The following DUSP22 variants were observed in gnomAD, a reference collection of about 807,000 sequenced individuals.
DUSP22 encodes dual specificity protein phosphatase 22.
A neutral mutation model predicts 24.5 loss-of-function variants in DUSP22; 24 were observed. The ratio of observed to expected loss-of-function variants is 0.98; its 90% CI spans 0.71 to 1.38. The LOEUF (loss-of-function observed/expected upper bound fraction) is 1.38, where lower values mean the gene tolerates loss of function less well. Among genes scored for constraint, DUSP22 ranks in the 40% most tolerant of loss-of-function variants. The pLI is 0.00. For synonymous variants in DUSP22, 160 were observed against 106.4 expected, an observed-to-expected ratio of 1.50 and a Z score of -3.10; for missense variants, 330 against 269.2, an observed-to-expected ratio of 1.23 and a Z score of -1.58.
intron 3 of DUSP22, among the ~76,000 whole-genome samples, chr6:312,742 G>A (rs148793026): frequency 1.1e-4 from 17 of 152,410 alleles, no homozygotes; most frequent in African/African-American, 3.8e-4. Context: ...ATTTATATTA[G>A]GCAAGAGTAG....
chr6:329,409 T>A (rs1759037552), intron 3 of DUSP22, among the ~76,000 whole-genome samples: 2 of 152,306 alleles, frequency 1.3e-5, no homozygotes, highest in Admixed American at 1.3e-4. Context: ...ACAGTGTGAA[T>A]GTACTTAAGG....
chr6:310,063 C>T (rs575886276), intron 2 of DUSP22, among the ~76,000 whole-genome samples: 4 of 152,420 alleles, frequency 2.6e-5, no homozygotes, highest in East Asian at 1.9e-4. Context: ...TGGGTTCAAG[C>T]GATTCTCCTA....
chr6:335,698 T>C (rs1043669921), intron 4 of DUSP22, among the ~76,000 whole-genome samples: 3 of 152,228 alleles, frequency 2.0e-5, no homozygotes, highest in African/African-American at 7.2e-5. Flanking sequence ...TTTATGTCCT[T>C]CTTTCATACG....
intron 3 of DUSP22, among the ~76,000 whole-genome samples, chr6:321,793 A>G (rs922472360): frequency 6.6e-6 from 1 of 152,308 alleles, no homozygotes; most frequent in East Asian, 1.9e-4. Context: ...GACGTCTTCA[A>G]AATACAGAAA....
intron 1 of DUSP22, among the ~76,000 whole-genome samples, chr6:302,154 G>A (rs980350371): frequency 1.3e-5 from 2 of 152,308 alleles, no homozygotes; most frequent in African/African-American, 2.4e-5. Flanking sequence ...ACGGAGGTGA[G>A]CATGGTGACG....
chr6:348,137 A>T lies in DUSP22; in HGVS notation c.298A>T (p.Ile100Phe). ...AGVSRSVTLV[I>F]AYIMTVTDFG... ...GGTCTCCAGGAGCGTGACACTGGTG[A>T]TCGCATACATCATGACCGTCACTGA... Residue 100 changes from isoleucine to phenylalanine, a missense_variant, in exon 6 of 7, where the codon ATC becomes TTC. Ile to Phe is a conservative substitution (Grantham distance 21). Coordinates refer to ENST00000419235, the MANE Select transcript of DUSP22 (RefSeq NM_001286555.3). The T allele has an allele frequency of 6.2e-7, 1 of 1,614,300 alleles. No homozygotes were observed. The highest frequency in any genetic ancestry group is 8.5e-7 in the Non-Finnish European group (1 of 1,180,056).
At chr6:292,678 C>T in intron 1 of DUSP22, 118 bp downstream of exon 1, 1 of 1,384,202 alleles carries the variant, frequency 7.2e-7, no homozygotes, top group South Asian at 1.5e-5. Context: ...TGGGGACGGG[C>T]GCGGAGGGAG....
chr6:328,005 T>C (rs1196942899), intron 3 of DUSP22, among the ~76,000 whole-genome samples: 1 of 152,312 alleles, frequency 6.6e-6, no homozygotes, highest in Admixed American at 6.5e-5. Flanking sequence ...CCACTGAATA[T>C]TTTTCAGCAG....
At chr6:343,710 C>T (rs200605275) in intron 4 of DUSP22, among the ~76,000 whole-genome samples, 2 of 1,376 alleles carry the variant, frequency 1.5e-3, no homozygotes, top group South Asian at 0.036. Flanking sequence ...CATGTGGATG[C>T]ATGCACATGG....
intron 1 of DUSP22, among the ~76,000 whole-genome samples, chr6:299,350 T>G (rs1400466078): frequency 6.6e-6 from 1 of 152,304 alleles, no homozygotes; most frequent in East Asian, 1.9e-4. Context: ...TTTCATGTTC[T>G]CTTTCTCTGT....
intron 3 of DUSP22, among the ~76,000 whole-genome samples, chr6:314,435 A>G (rs1359385048): frequency 6.6e-6 from 1 of 152,308 alleles, no homozygotes; most frequent in Non-Finnish European, 1.5e-5. Flanking sequence ...TGGGCACTAC[A>G]CTGTGGATAC....
chr6:316,625 G>A (rs1233229404), intron 3 of DUSP22, among the ~76,000 whole-genome samples: 1 of 152,408 alleles, frequency 6.6e-6, no homozygotes. Flanking sequence ...GCAATGAAAG[G>A]TTTCTCCCTT....
chr6:308,535 C>T (rs1325069952), intron 2 of DUSP22, among the ~76,000 whole-genome samples: 1 of 152,298 alleles, frequency 6.6e-6, no homozygotes, highest in African/African-American at 2.4e-5. Flanking sequence ...GGTGCTGGCC[C>T]CGGAGTGCTT....
At chr6:315,422 G>T (rs1758298370) in intron 3 of DUSP22, among the ~76,000 whole-genome samples, 1 of 152,308 alleles carries the variant, frequency 6.6e-6, no homozygotes, top group Non-Finnish European at 1.5e-5. Context: ...TCCCATGGCT[G>T]TCTGGGTAGC....
At chr6:347,990 G>A (rs1380271915) in intron 5 of DUSP22, 113 bp from the exon 6 acceptor site, 5 of 1,488,624 alleles carry the variant, frequency 3.4e-6, no homozygotes, top group Admixed American at 1.8e-5. Flanking sequence ...TATAATCCAA[G>A]GCAGGAAGAC....
chr6:313,024 AAAT>A (rs1758179369), intron 3 of DUSP22, among the ~76,000 whole-genome samples: 1 of 135,314 alleles, frequency 7.4e-6, no homozygotes, highest in Admixed American at 8.1e-5. Context: ...ATTTTATTGG[AAAT>A]AACAACAACA....
intron 1 of DUSP22, among the ~76,000 whole-genome samples, chr6:293,863 A>G (rs1757206281): frequency 6.8e-6 from 1 of 146,198 alleles, no homozygotes; most frequent in Non-Finnish European, 1.5e-5. Flanking sequence ...CTCTTGGATA[A>G]ATACTTGTAT....
At chr6:348,465 G>A in intron 6 of DUSP22, 191 bp downstream of exon 6, 1 of 1,009,594 alleles carries the variant, frequency 9.9e-7, no homozygotes, top group African/African-American at 1.6e-5. Context: ...GAAGCCACAG[G>A]CGCCTACCCT....
intron 6 of DUSP22, 190 bp from the exon 7 acceptor site, chr6:348,579 A>G: frequency 9.7e-7 from 1 of 1,028,040 alleles, no homozygotes; most frequent in East Asian, 2.5e-5. Context: ...CTAGGCCAGC[A>G]CCTTGAAGGA....
Sources: gnomAD v4.1 joint callset for allele counts (sites outside exome capture counted in the v4.1 genomes callset) on GRCh38, gnomAD v4.1.1 for gene constraint, MANE v1.5 for transcripts, NCBI Gene and HGNC (gene_info 2026-07-23, HGNC 2026-07-21) for gene names.